The following MECOM variants were observed in gnomAD, a reference collection of about 807,000 sequenced individuals.
MECOM encodes histone-lysine N-methyltransferase MECOM.
Under a neutral mutation model 116.3 loss-of-function variants are expected in MECOM, and 13 were observed. The ratio of observed to expected loss-of-function variants is 0.11; its 90% CI spans 0.07 to 0.18. The LOEUF (loss-of-function observed/expected upper bound fraction) is 0.18. Among genes scored for constraint, MECOM ranks in the 10% least tolerant of loss-of-function variants. The pLI, the probability that MECOM is intolerant of heterozygous loss-of-function variation, is 1.00. For missense variants in MECOM, 1,299 were observed against 1,509.0 expected (o/e 0.86, Z 2.31); for synonymous variants, 528 against 535.2 (o/e 0.99, Z 0.19).
chr3:169,179,471 G>A (rs1434838748), intron 2 of MECOM, among the ~76,000 whole-genome samples: 2 of 151,498 alleles, frequency 1.3e-5, no homozygotes, highest in Non-Finnish European at 1.5e-5. Flanking sequence ...AGAAAGTGCA[G>A]TTGACTAGGG....
chr3:169,658,418 G>A (rs1274660932), intron 1 of MECOM, among the ~76,000 whole-genome samples: 1 of 152,232 alleles, frequency 6.6e-6, no homozygotes, highest in Non-Finnish European at 1.5e-5. Flanking sequence ...CTCCGCGCAA[G>A]AGTGCTCCTT....
Position 169,381,351 on chromosome 3 carries a change from G to T in MECOM, c.211C>A (p.Pro71Thr). ...TCAGCAGGAATGGGGATATCATCAG[G>T]GATGTAGATGGGGGCTTTGTAAGGA... The part of the protein sequence containing the change: ...GSPYKAPIYI[P>T]DDIPIPAEFE... Residue 71 changes from proline (P) to threonine (T), a missense_variant, in exon 2 of 17, where the codon CCT (proline) becomes ACT (threonine). By Grantham distance (38) the Pro-to-Thr change is conservative. Transcript: ENST00000651503. The T allele has an allele frequency of 6.2e-7, 1 of 1,613,850 alleles. No individual in the cohort carries two copies. The highest frequency in any genetic ancestry group is 8.5e-7 in the Non-Finnish European group (1 of 1,179,820).
In MECOM at chr3:169,114,370, T is replaced by C. The variant is rs187154637; in HGVS notation, c.2489+1013A>G. Among the ~76,000 whole-genome samples the C allele has an allele frequency of 6.6e-5, 10 of 152,286 alleles. No individual in the cohort carries two copies. In the East Asian group the frequency reaches 1.9e-3, roughly 29 times the overall value. On this transcript the variant is annotated intron_variant, in intron 8 of 16. Transcript: ENST00000651503. ...TTTCCATACTGACAGTGTTTCCTTG[T>C]TAACGCATTATAGATAATATACATA... is the stretch of plus-strand genomic sequence containing the variant.
intron 2 of MECOM, among the ~76,000 whole-genome samples, chr3:169,280,858 A>G (rs1238108120): frequency 1.3e-5 from 2 of 152,206 alleles, no homozygotes; most frequent in Admixed American, 1.3e-4. Flanking sequence ...CCCAGCAGAG[A>G]GACACAGATG....
chr3:169,522,885 C>G (rs137907967), intron 1 of MECOM, among the ~76,000 whole-genome samples: 2 of 152,272 alleles, frequency 1.3e-5, no homozygotes, highest in African/African-American at 4.8e-5. Flanking sequence ...TACCCCATAC[C>G]TGTACACACT....
At chr3:169,371,514 T>TACACACAC (rs35247420) in intron 2 of MECOM, among the ~76,000 whole-genome samples, 66 of 149,554 alleles carry the variant, frequency 4.4e-4, no homozygotes, top group African/African-American at 1.3e-3. Flanking sequence ...GTATTTTCAC[T>TACACACAC]ACACACACAC....
At chr3:169,322,289 T>C (rs1720995237) in intron 2 of MECOM, among the ~76,000 whole-genome samples, 1 of 152,164 alleles carries the variant, frequency 6.6e-6, no homozygotes, top group South Asian at 2.1e-4. Flanking sequence ...AACCTGCCAA[T>C]AGAGGTATAA....
rs1553851603 is a variant in MECOM, at chr3:169,433,639, G to GAAAGAAAGAA, written c.38-52116_38-52115insTTCTTTCTTT. On this transcript the variant is annotated intron_variant, in intron 1 of 16. Coordinates refer to ENST00000651503, the MANE Select transcript of MECOM (RefSeq NM_004991.4). ...GAAGGAGAAAAGAAAGAAAGAGAAA[G>GAAAGAAAGAA]AGAAAGAAAGAAAGAAAGAAAGAAA... is the stretch of plus-strand genomic sequence containing the variant. 4.5e-3 allele frequency among the ~76,000 whole-genome samples: 571 copies of GAAAGAAAGAA among 127,050 alleles called. 5 individuals are homozygous for GAAAGAAAGAA. Among genetic ancestry groups the GAAAGAAAGAA allele is most frequent in the Non-Finnish European group, 5.7e-3 (347 of 61,118 alleles). The allele number at this position is 127,050 out of a possible 152,430, so 83.3% of individuals were successfully genotyped here.
In MECOM at chr3:169,611,546, G is replaced by A. The variant is rs934181756; in HGVS notation, c.37+51790C>T. Reference sequence around the variant, plus strand: ...CATAAGCTTCAGTTTTTAGTTGCACGTAGTAGCATACAAACAATGGCAAAA... The same window carrying A: ...CATAAGCTTCAGTTTTTAGTTGCACATAGTAGCATACAAACAATGGCAAAA... On this transcript the variant is annotated intron_variant, in intron 1 of 16. Transcript: ENST00000651503. This position sits in a 1 kb window ranked among gnomAD's most constrained non-coding sequence, Gnocchi z 4.1. Among the ~76,000 whole-genome samples, 13 of 152,186 alleles carry A rather than the reference G, an allele frequency of 8.5e-5. No homozygotes were observed. Among genetic ancestry groups the A allele is most frequent in the African/African-American group, 2.2e-4 (9 of 41,452 alleles).
chr3:169,198,550 C>T (rs981928961), intron 2 of MECOM, among the ~76,000 whole-genome samples: 1 of 151,964 alleles, frequency 6.6e-6, no homozygotes, highest in African/African-American at 2.4e-5. Context: ...TTACCTTCCC[C>T]TCATTCCATT....
intron 1 of MECOM, among the ~76,000 whole-genome samples, chr3:169,662,054 C>T (rs944501487): frequency 2.6e-5 from 4 of 152,222 alleles, no homozygotes; most frequent in African/African-American, 9.6e-5. Flanking sequence ...TGGACAAACG[C>T]AGTCCTGTCG....
intron 2 of MECOM, among the ~76,000 whole-genome samples, chr3:169,337,239 C>A (rs978851929): frequency 4.6e-5 from 7 of 152,158 alleles, no homozygotes; most frequent in Middle Eastern, 6.8e-3. Context: ...TCTCTGTATA[C>A]AATATATAAA....
chr3:169,095,842 T>C (rs1189992046), intron 12 of MECOM, among the ~76,000 whole-genome samples: 2 of 151,470 alleles, frequency 1.3e-5, no homozygotes, highest in Non-Finnish European at 2.9e-5. Flanking sequence ...CTTTAAACTG[T>C]TATAAAAAAA....
At chr3:169,408,460 C>CA (rs1560234619) in intron 1 of MECOM, among the ~76,000 whole-genome samples, 1 of 152,048 alleles carries the variant, frequency 6.6e-6, no homozygotes, top group East Asian at 1.9e-4. Flanking sequence ...ACCACAGGGA[C>CA]CAGGAATTAA....
intron 2 of MECOM, chr3:169,146,614 G>A: frequency 7.3e-7 from 1 of 1,369,750 alleles, no homozygotes; most frequent in Non-Finnish European, 9.7e-7. Flanking sequence ...AAGAAGGCTG[G>A]GGGCGGGGGG....
At chr3:169,456,763 G>A (rs1012411340) in intron 1 of MECOM, among the ~76,000 whole-genome samples, 8 of 152,064 alleles carry the variant, frequency 5.3e-5, no homozygotes, top group Admixed American at 2.6e-4. Flanking sequence ...GGTTATCTGC[G>A]ACCCCTGTAC....
chr3:169,086,713 C>G (rs759955985), intron 16 of MECOM: 4 of 559,686 alleles, frequency 7.1e-6, no homozygotes, highest in Non-Finnish European at 9.5e-6. Context: ...TAATTTTTAC[C>G]GGATAGAGTT....
At position 169,483,555 on chromosome 3, in the gene MECOM, A is replaced by G. The variant is rs543264560; in HGVS notation, c.38-102031T>C. On this transcript the variant is annotated intron_variant, in intron 1 of 16. Coordinates refer to ENST00000651503, the MANE Select transcript of MECOM (RefSeq NM_004991.4). ...GTGGCGAACCAAGGGAAGCCCTTTG[A>G]CTATGATTTCCAATTTTCTGTTCAA... is the stretch of plus-strand genomic sequence containing the variant. 4.8e-4 allele frequency: 331 copies of G among 684,046 alleles called. No homozygotes were observed. In the African/African-American group the frequency reaches 5.8e-3, roughly 12 times the overall value. The allele number at this position is 684,046 out of a possible 1,614,324, so 42.4% of individuals were successfully genotyped here. A position where few individuals can be genotyped will look rare whatever the true frequency, so the allele number is the denominator to read the frequency against.
rs139190122 is a variant in MECOM at position 169,278,957 on chromosome 3, T to G, written c.375+102230A>C. ...ATTCCAAATATGAACTATGTTGCAC[T>G]GTGCTCTGGCCTAGGCAGGCTCAGG... On this transcript the variant is annotated intron_variant, in intron 2 of 16. Coordinates refer to ENST00000651503, the MANE Select transcript of MECOM (RefSeq NM_004991.4). Among the ~76,000 whole-genome samples, 284 of 152,352 alleles carry G rather than the reference T, an allele frequency of 1.9e-3. 3 individuals are homozygous for G. Among genetic ancestry groups the G allele is most frequent in the African/African-American group, 6.5e-3 (270 of 41,586 alleles).
Sources: gnomAD v4.1 joint callset for allele counts (sites outside exome capture counted in the v4.1 genomes callset) on GRCh38, gnomAD v4.1.1 for gene constraint, Gnocchi (gnomAD v3.1) non-coding constraint, MANE v1.5 for transcripts, NCBI Gene and HGNC (gene_info 2026-07-23, HGNC 2026-07-21) for gene names.